MTCL2: variants seen among roughly 807,000 people sequenced by gnomAD.
MTCL2 encodes microtubule crosslinking factor 2.
chr20:36,861,456 G>A, the MTCL2 span, among the ~76,000 whole-genome samples: 163 of 152,272 alleles, frequency 1.1e-3, 1 homozygote, highest in African/African-American at 3.5e-3. Flanking sequence ...AGCAGATCCC[G>A]GGGAAAATGG....
chr20:36,815,008 A>G, the MTCL2 span: 49 of 980,848 alleles, frequency 5.0e-5, no homozygotes, highest in Non-Finnish European at 6.4e-5. The surrounding 1 kb of genome is among the most constrained non-coding windows in gnomAD (Gnocchi z 5.3). Flanking sequence ...GCTGCAGTGA[A>G]CTGAGATTGC....
At chr20:36,821,610 T>G in the MTCL2 span, among the ~76,000 whole-genome samples, 1 of 152,002 alleles carries the variant, frequency 6.6e-6, no homozygotes, top group African/African-American at 2.4e-5. Context: ...CCTAGCTACT[T>G]GGGAGGCTGA....
the MTCL2 span, chr20:36,793,344 C>T: frequency 6.4e-7 from 1 of 1,551,822 alleles, no homozygotes; most frequent in Non-Finnish European, 8.7e-7. This position sits in a 1 kb window ranked among gnomAD's most constrained non-coding sequence, Gnocchi z 6.8. Flanking sequence ...TCACTGCTGC[C>T]CAACTTGGCT....
chr20:36,788,095 G>A, the MTCL2 span, among the ~76,000 whole-genome samples: 1 of 151,326 alleles, frequency 6.6e-6, no homozygotes, highest in East Asian at 1.9e-4. Flanking sequence ...CAGCTACTTG[G>A]GAGACCGAAG....
At chr20:36,803,943 T>G in the MTCL2 span, among the ~76,000 whole-genome samples, 1 of 112,102 alleles carries the variant, frequency 8.9e-6, no homozygotes, top group Admixed American at 1.4e-4. Context: ...AGTGACACAG[T>G]GAGATGCCGT....
the MTCL2 span, among the ~76,000 whole-genome samples, chr20:36,819,545 TCTC>T: frequency 6.6e-6 from 1 of 151,510 alleles, no homozygotes; most frequent in Non-Finnish European, 1.5e-5. Context: ...AAATGTGTCT[TCTC>T]TGATGAGGGC....
chr20:36,786,771 C>G, the MTCL2 span: 1 of 786,250 alleles, frequency 1.3e-6, no homozygotes, highest in Non-Finnish European at 2.0e-6. Context: ...AAGCTCCTCA[C>G]TGGACCAATT....
At chr20:36,842,385 ATG>A in the MTCL2 span, among the ~76,000 whole-genome samples, 2 of 146,568 alleles carry the variant, frequency 1.4e-5, no homozygotes, top group African/African-American at 2.8e-5. Flanking sequence ...CATAATTATT[ATG>A]TCTCATACAA....
the MTCL2 span, among the ~76,000 whole-genome samples, chr20:36,800,802 T>G: frequency 6.6e-6 from 1 of 152,180 alleles, no homozygotes; most frequent in African/African-American, 2.4e-5. Context: ...CAAAGATTGG[T>G]AATCACAGGA....
At chr20:36,802,393 T>C in the MTCL2 span, among the ~76,000 whole-genome samples, 144 of 152,242 alleles carry the variant, frequency 9.5e-4, 1 homozygote, top group Middle Eastern at 3.4e-3. Context: ...TGAACTATAA[T>C]GGGGAGTGAG....
the MTCL2 span, among the ~76,000 whole-genome samples, chr20:36,809,634 G>A: frequency 6.6e-6 from 1 of 150,390 alleles, no homozygotes; most frequent in African/African-American, 2.5e-5. Context: ...AGAATACAGT[G>A]GGATGATCTC....
At chr20:36,836,587 ATC>A in the MTCL2 span, among the ~76,000 whole-genome samples, 14 of 151,908 alleles carry the variant, frequency 9.2e-5, no homozygotes, top group South Asian at 2.7e-3. Context: ...CAGGTGATCC[ATC>A]CGCCTCGGCC....
the MTCL2 span, among the ~76,000 whole-genome samples, chr20:36,862,256 T>C: frequency 1.3e-5 from 2 of 152,126 alleles, no homozygotes; most frequent in Non-Finnish European, 2.9e-5. Context: ...TGGCCACAGG[T>C]TTCCCTGGCG....
At chr20:36,850,507 C>T in the MTCL2 span, among the ~76,000 whole-genome samples, 1 of 150,406 alleles carries the variant, frequency 6.6e-6, no homozygotes, top group East Asian at 2.0e-4. Context: ...GCCGGGATGA[C>T]AGAATGAGAC....
the MTCL2 span, chr20:36,796,922 C>G: frequency 6.2e-7 from 1 of 1,613,976 alleles, no homozygotes; most frequent in South Asian, 1.1e-5. Flanking sequence ...TCGGAAACAG[C>G]CTCCTTGTCG....
the MTCL2 span, chr20:36,805,961 T>C: frequency 6.3e-7 from 1 of 1,597,264 alleles, no homozygotes; most frequent in Non-Finnish European, 8.5e-7. Flanking sequence ...TGTTCACCTG[T>C]TTTTTAAAAA....
At chr20:36,833,111 AGAACTAAGGTTT>A in the MTCL2 span, among the ~76,000 whole-genome samples, 1 of 152,254 alleles carries the variant, frequency 6.6e-6, no homozygotes, top group Admixed American at 6.5e-5. Context: ...GGAAGGCTAT[AGAACTAAGGTTT>A]GAAATCGAGT....
At chr20:36,827,764 C>G in the MTCL2 span, among the ~76,000 whole-genome samples, 12 of 152,136 alleles carry the variant, frequency 7.9e-5, no homozygotes, top group African/African-American at 2.7e-4. Context: ...AGCTGTTCCT[C>G]CTGAGCCTCA....
chr20:36,823,377 C>G, the MTCL2 span, among the ~76,000 whole-genome samples: 2 of 152,072 alleles, frequency 1.3e-5, no homozygotes, highest in East Asian at 1.9e-4. Flanking sequence ...AAATGCTTCT[C>G]CAGACCCGCA....
Sources: gnomAD v4.1 joint callset for allele counts (sites outside exome capture counted in the v4.1 genomes callset) on GRCh38, gnomAD v4.1.1 for gene constraint, Gnocchi (gnomAD v3.1) non-coding constraint, MANE v1.5 for transcripts, NCBI Gene and HGNC (gene_info 2026-07-23, HGNC 2026-07-21) for gene names.